Variants in OR56A3 observed in about 807,000 individuals in gnomAD.
OR56A3 encodes the protein olfactory receptor 56A3.
Under a neutral mutation model 17.5 loss-of-function variants are expected in OR56A3, and 23 were observed. The ratio of observed to expected loss-of-function variants is 1.32; its 90% CI spans 0.95 to 1.87. The LOEUF (loss-of-function observed/expected upper bound fraction) is 1.87, where lower values mean the gene tolerates loss of function less well. Among genes scored for constraint, OR56A3 ranks in the 40% most tolerant of loss-of-function variants. OR56A3 has a pLI of 0.00. For synonymous variants in OR56A3, 175 were observed against 150.6 expected (o/e 1.16, Z -1.19); for missense variants, 366 against 380.1 (o/e 0.96, Z 0.31).
the OR56A3 span, among the ~76,000 whole-genome samples, chr11:6,004,790 G>C: frequency 6.6e-5 from 10 of 152,110 alleles, no homozygotes; most frequent in Non-Finnish European, 7.4e-5. Flanking sequence ...ATAATCTCAA[G>C]TATAGCTACT....
chr11:5,962,116 C>G, the OR56A3 span, among the ~76,000 whole-genome samples: 1 of 152,076 alleles, frequency 6.6e-6, no homozygotes, highest in African/African-American at 2.4e-5. Flanking sequence ...TAAGTCTTGC[C>G]AAATGATTTT....
At chr11:5,994,861 G>T in the OR56A3 span, 1,871 of 760,872 alleles carry the variant, frequency 2.5e-3, 20 homozygotes, top group African/African-American at 0.027. Flanking sequence ...CAGTCTCCAG[G>T]CTCCTCACTC....
downstream of OR56A3, among the ~76,000 whole-genome samples, chr11:5,953,033 T>G (rs545190690): frequency 1.1e-3 from 161 of 152,336 alleles, 1 homozygote; most frequent in African/African-American, 3.8e-3. Flanking sequence ...ATGTACCACA[T>G]TGTCTTTATC....
At chr11:6,005,761 C>T in the OR56A3 span, among the ~76,000 whole-genome samples, 1 of 152,214 alleles carries the variant, frequency 6.6e-6, no homozygotes. Flanking sequence ...GTGAAAGGGG[C>T]TAGCTAGCTC....
At chr11:5,979,082 T>C in the OR56A3 span, among the ~76,000 whole-genome samples, 1 of 145,862 alleles carries the variant, frequency 6.9e-6, no homozygotes, top group African/African-American at 2.4e-5. Flanking sequence ...CATGGTGGAT[T>C]AGCTTTTTGA....
chr11:5,985,783 C>A, the OR56A3 span: 1 of 665,072 alleles, frequency 1.5e-6, no homozygotes, highest in South Asian at 2.5e-5. Flanking sequence ...TCCCAATAAG[C>A]CAAGTATCTG....
chr11:5,952,560 A>G (rs778538466), downstream of OR56A3, among the ~76,000 whole-genome samples: 3 of 152,044 alleles, frequency 2.0e-5, no homozygotes, highest in Admixed American at 6.6e-5. Flanking sequence ...GGGTACATGT[A>G]GGAAACTCAT....
the OR56A3 span, among the ~76,000 whole-genome samples, chr11:5,997,316 G>T: frequency 2.0e-5 from 3 of 152,170 alleles, no homozygotes; most frequent in Non-Finnish European, 4.4e-5. Context: ...GAACACCTGG[G>T]TCCCTACATG....
the OR56A3 span, chr11:6,002,771 G>T: frequency 3.7e-6 from 6 of 1,613,952 alleles, 1 homozygote; most frequent in Non-Finnish European, 5.1e-6. Context: ...GGCAGAGCAC[G>T]ATGTCCAGCA....
At chr11:5,958,567 T>G in the OR56A3 span, among the ~76,000 whole-genome samples, 10 of 152,196 alleles carry the variant, frequency 6.6e-5, no homozygotes, top group Non-Finnish European at 1.5e-5. Flanking sequence ...ATATGCATTA[T>G]AAAATGCTTG....
the OR56A3 span, among the ~76,000 whole-genome samples, chr11:6,012,152 C>T: frequency 1.1e-4 from 16 of 152,174 alleles, no homozygotes; most frequent in Non-Finnish European, 2.2e-4. Context: ...CAGCAGGTCC[C>T]GAGATTTTGT....
rs1847898153 is a variant in OR56A3 at position 5,949,944 on chromosome 11, A to G, written c.*1650A>G. The G allele has an allele frequency of 6.6e-6, 1 of 152,162 alleles. No homozygotes were observed. Among genetic ancestry groups the G allele is most frequent in the African/African-American group, 2.4e-5 (1 of 41,450 alleles). 9.4% of individuals were successfully genotyped at this position (152,162 alleles called of 1,614,324 possible). ...CATCTGTTAAGATCCGAGTAGATAC[A>G]CCTTTTTCTTTATTACTCAAAGAAG... On this transcript the variant is annotated 3_prime_UTR_variant, in exon 3 of 3. Coordinates refer to ENST00000641160, the MANE Select transcript of OR56A3 (RefSeq NM_001003443.3).
the OR56A3 span, among the ~76,000 whole-genome samples, chr11:5,980,235 A>T: frequency 6.6e-6 from 1 of 152,054 alleles, no homozygotes; most frequent in African/African-American, 2.4e-5. Flanking sequence ...GATCCTGAAG[A>T]TCTTTGCTAG....
chr11:5,972,254 A>G, the OR56A3 span, among the ~76,000 whole-genome samples: 1 of 152,220 alleles, frequency 6.6e-6, no homozygotes, highest in Non-Finnish European at 1.5e-5. Flanking sequence ...GTATGCAATA[A>G]TATGAGATTG....
chr11:5,943,198 G>A (rs1470557174), intron 1 of OR56A3: 1 of 151,784 alleles, frequency 6.6e-6, no homozygotes, highest in Non-Finnish European at 1.5e-5. Flanking sequence ...GAAAATAGAA[G>A]GAAAAAGGAA....
chr11:5,968,237 G>A, the OR56A3 span: 262 of 1,614,026 alleles, frequency 1.6e-4, 3 homozygotes, highest in South Asian at 2.7e-3. Flanking sequence ...ACCAGAAGAT[G>A]GCCAGGACCT....
the OR56A3 span, among the ~76,000 whole-genome samples, chr11:5,988,142 C>T: frequency 6.6e-6 from 1 of 152,146 alleles, no homozygotes; most frequent in African/African-American, 2.4e-5. Flanking sequence ...CTCCAAATTC[C>T]TTTATCTGAA....
At position 5,948,070 on chromosome 11, in the gene OR56A3, C is replaced by T. The variant is rs1318103656; in HGVS notation, c.724C>T (p.Leu242=). ...GGCAGAGGGTGCCGTGGCAAAGGCC[C>T]TAAGCACATGTGGCTCCCACTTCAT... ...LKAEGAVAKA[L]STCGSHFMLI... is the part of the protein sequence containing the mutation. The change falls in exon 3 of 3, where the codon CTA becomes TTA. Residue 242 remains leucine, a synonymous_variant. Coordinates refer to ENST00000641160, the MANE Select transcript of OR56A3 (RefSeq NM_001003443.3). The T allele has an allele frequency of 4.3e-6, 7 of 1,614,104 alleles. No individual in the cohort carries two copies. The highest frequency in any genetic ancestry group is 2.2e-5 in the East Asian group (1 of 44,896).
the OR56A3 span, among the ~76,000 whole-genome samples, chr11:5,990,983 T>G: frequency 6.6e-6 from 1 of 152,104 alleles, no homozygotes; most frequent in African/African-American, 2.4e-5. Flanking sequence ...CCCCAGGAAC[T>G]CCCTAAGTCT....
Sources: allele counts gnomAD v4.1 joint callset (sites outside exome capture counted in the v4.1 genomes callset), GRCh38; gene constraint gnomAD v4.1.1; transcripts MANE v1.5; gene names NCBI Gene and HGNC (gene_info 2026-07-23, HGNC 2026-07-21).